SPAG16: variants seen among roughly 807,000 people sequenced by gnomAD.
SPAG16 encodes sperm associated antigen 16.
SPAG16 carries 86 observed loss-of-function variants against 80.4 expected under a neutral mutation model. That is an observed-to-expected ratio of 1.07 (90% CI 0.90 to 1.28). The LOEUF (loss-of-function observed/expected upper bound fraction) is 1.28, where lower values mean the gene tolerates loss of function less well. Among genes scored for constraint, SPAG16 ranks in the 50% most tolerant of loss-of-function variants. The pLI is 0.00. For missense variants in SPAG16, 870 were observed against 765.3 expected (o/e 1.14, Z -1.61); for synonymous variants, 294 against 265.9 (o/e 1.11, Z -1.03).
chr2:213,985,857 A>G (rs2045973691), intron 12 of SPAG16, among the ~76,000 whole-genome samples: 2 of 152,118 alleles, frequency 1.3e-5, no homozygotes, highest in South Asian at 4.1e-4. Flanking sequence ...AACTCAGAGA[A>G]AGAGCAGAGT....
chr2:213,489,754 T>A (rs1387570413), intron 9 of SPAG16, among the ~76,000 whole-genome samples: 4 of 151,752 alleles, frequency 2.6e-5, no homozygotes, highest in African/African-American at 9.8e-5. Flanking sequence ...GGCTTAGAAT[T>A]GAAATTGGTT....
At chr2:213,878,088 C>T (rs963294520) in intron 11 of SPAG16, among the ~76,000 whole-genome samples, 1 of 152,092 alleles carries the variant, frequency 6.6e-6, no homozygotes, top group South Asian at 2.1e-4. Flanking sequence ...TCCTGTTCAT[C>T]TTTATTTTGA....
At chr2:213,637,543 G>C (rs2062412690) in intron 10 of SPAG16, among the ~76,000 whole-genome samples, 1 of 152,132 alleles carries the variant, frequency 6.6e-6, no homozygotes, top group South Asian at 2.1e-4. Context: ...ATGTCGGATA[G>C]AATTCAGTTG....
At chr2:213,339,410 T>G (rs914373596) in intron 5 of SPAG16, among the ~76,000 whole-genome samples, 2 of 152,216 alleles carry the variant, frequency 1.3e-5, no homozygotes, top group Non-Finnish European at 2.9e-5. Flanking sequence ...GAACTACTTT[T>G]TCATTATAAA....
At chr2:213,872,847 G>C (rs1224435557) in intron 11 of SPAG16, among the ~76,000 whole-genome samples, 2 of 151,992 alleles carry the variant, frequency 1.3e-5, no homozygotes, top group African/African-American at 4.8e-5. Flanking sequence ...TGATCATTTG[G>C]TTTTTATCTT....
At chr2:213,501,856 C>T (rs1013795184) in intron 10 of SPAG16, among the ~76,000 whole-genome samples, 1 of 152,072 alleles carries the variant, frequency 6.6e-6, no homozygotes, top group African/African-American at 2.4e-5. Flanking sequence ...ATCTTTACTG[C>T]TAGTCATATT....
chr2:213,941,700 A>G (rs888907769), intron 12 of SPAG16, among the ~76,000 whole-genome samples: 4 of 152,160 alleles, frequency 2.6e-5, no homozygotes, highest in Admixed American at 6.5e-5. Context: ...CAAAATTACA[A>G]CTTCTTATAA....
At chr2:213,974,718 C>T (rs2045267854) in intron 12 of SPAG16, among the ~76,000 whole-genome samples, 1 of 151,912 alleles carries the variant, frequency 6.6e-6, no homozygotes, top group Admixed American at 6.6e-5. Flanking sequence ...CTCTCTGTTA[C>T]ACGTCTGCCA....
intron 15 of SPAG16, among the ~76,000 whole-genome samples, chr2:214,378,048 G>C (rs1358190105): frequency 6.6e-6 from 1 of 152,126 alleles, no homozygotes; most frequent in Non-Finnish European, 1.5e-5. Context: ...ACAGAAGCAG[G>C]GGTAGGAGTG....
intron 3 of SPAG16, among the ~76,000 whole-genome samples, chr2:213,308,965 T>C (rs139541134): frequency 8.5e-5 from 13 of 152,278 alleles, no homozygotes; most frequent in African/African-American, 2.4e-4. Context: ...GACCCAGTTA[T>C]AAACATGAAA....
intron 10 of SPAG16, among the ~76,000 whole-genome samples, chr2:213,782,435 A>G (rs1174058103): frequency 6.6e-6 from 1 of 152,224 alleles, no homozygotes; most frequent in Non-Finnish European, 1.5e-5. Context: ...AGTCGTATAG[A>G]TATGTAGTAC....
At chr2:213,759,578 A>T (rs1395582505) in intron 10 of SPAG16, among the ~76,000 whole-genome samples, 2 of 152,194 alleles carry the variant, frequency 1.3e-5, no homozygotes, top group African/African-American at 4.8e-5. Context: ...AATGTTATAT[A>T]TGCAGGATCT....
chr2:214,369,053 C>G (rs1699655804), intron 15 of SPAG16, among the ~76,000 whole-genome samples: 1 of 151,966 alleles, frequency 6.6e-6, no homozygotes, highest in Admixed American at 6.6e-5. Context: ...CCCCTTAGTC[C>G]TATTGTATAT....
intron 5 of SPAG16, among the ~76,000 whole-genome samples, chr2:213,335,300 G>T (rs1410715273): frequency 6.6e-6 from 1 of 152,040 alleles, no homozygotes; most frequent in East Asian, 1.9e-4. Context: ...ATTGGAAGAT[G>T]GACATGTATT....
At chr2:214,280,435 A>C (rs985661512) in intron 15 of SPAG16, among the ~76,000 whole-genome samples, 2 of 152,192 alleles carry the variant, frequency 1.3e-5, no homozygotes, top group African/African-American at 4.8e-5. Flanking sequence ...AAAAGAACAT[A>C]TTTGGAGTAG....
At chr2:213,762,891 A>C (rs1483778779) in intron 10 of SPAG16, among the ~76,000 whole-genome samples, 1 of 152,204 alleles carries the variant, frequency 6.6e-6, no homozygotes, top group African/African-American at 2.4e-5. Context: ...AAATCTTATA[A>C]GGGGTCAATC....
At chr2:214,399,844 G>T (rs1223271604) in intron 15 of SPAG16, among the ~76,000 whole-genome samples, 1 of 152,046 alleles carries the variant, frequency 6.6e-6, no homozygotes, top group Non-Finnish European at 1.5e-5. Flanking sequence ...ACTGGAACTT[G>T]CATTTCCTCT....
chr2:214,082,448 C>A (rs2051446573), intron 13 of SPAG16, among the ~76,000 whole-genome samples: 1 of 152,146 alleles, frequency 6.6e-6, no homozygotes, highest in African/African-American at 2.4e-5. Flanking sequence ...AGTTATACTG[C>A]CATTTTTAGG....
At chr2:213,616,640 G>A (rs1184646765) in intron 10 of SPAG16, among the ~76,000 whole-genome samples, 1 of 152,150 alleles carries the variant, frequency 6.6e-6, no homozygotes, top group Non-Finnish European at 1.5e-5. Flanking sequence ...CTGATCTCTG[G>A]CCCAAACTAC....
Sources: gnomAD v4.1 joint callset for allele counts (sites outside exome capture counted in the v4.1 genomes callset) on GRCh38, gnomAD v4.1.1 for gene constraint, MANE v1.5 for transcripts, NCBI Gene and HGNC (gene_info 2026-07-23, HGNC 2026-07-21) for gene names.